The following PITPNM2 variants were observed in gnomAD, a reference collection of about 807,000 sequenced individuals.
PITPNM2 encodes the protein membrane-associated phosphatidylinositol transfer protein 2.
PITPNM2 carries 35 observed loss-of-function variants against 132.2 expected under a neutral mutation model. The ratio of observed to expected loss-of-function variants is 0.26; its 90% CI spans 0.20 to 0.35. The LOEUF (loss-of-function observed/expected upper bound fraction) is 0.35, where lower values mean the gene tolerates loss of function less well. PITPNM2 is among the 10% of genes least tolerant of loss of function. The pLI, the probability that PITPNM2 is intolerant of heterozygous loss-of-function variation, is 1.00. For synonymous variants in PITPNM2, 738 were observed against 799.2 expected, an observed-to-expected ratio of 0.92 and a Z score of 1.29; for missense variants, 1,332 against 1,912.0, an observed-to-expected ratio of 0.70 and a Z score of 5.66.
At position 123,145,333 on chromosome 12, in the gene PITPNM2, A is replaced by G. The variant is rs1227782701; in HGVS notation, c.-200+5420T>C. Among the ~76,000 whole-genome samples the G allele has an allele frequency of 2.0e-5, 3 of 152,174 alleles. No homozygotes were observed. In the East Asian group the frequency reaches 5.8e-4, roughly 29 times the overall value. ...CTGCAGGTTGGCATGTCCACACCCAATAGGGAGTTTGAGCTGTCAGCTTCT... is the reference window on the plus strand; with the variant it reads ...CTGCAGGTTGGCATGTCCACACCCAGTAGGGAGTTTGAGCTGTCAGCTTCT... On this transcript the variant is annotated intron_variant, in intron 1 of 25. Coordinates refer to ENST00000320201, the MANE Select transcript of PITPNM2 (RefSeq NM_020845.3).
Position 123,097,052 on chromosome 12 carries a change from A to AT in PITPNM2, c.-96+13332dup, listed in dbSNP as rs2042428929. On this transcript the variant is annotated intron_variant, in intron 2 of 25. Coordinates refer to ENST00000320201, the MANE Select transcript of PITPNM2 (RefSeq NM_020845.3). The surrounding 1 kb of genome is among the most constrained non-coding windows in gnomAD (Gnocchi z 4.7). ...TTATTTATTTATTTATTTTTAATTT[A>AT]TTTTTTTGGTATGGAGTCTCGCTCT... is the stretch of plus-strand genomic sequence containing the variant. 6.6e-6 allele frequency among the ~76,000 whole-genome samples: 1 copy of AT among 151,622 alleles called. No homozygotes were observed. Among genetic ancestry groups the AT allele is most frequent in the Non-Finnish European group, 1.5e-5 (1 of 67,884 alleles).
At chr12:123,042,750 G>A (rs2040536293) in intron 2 of PITPNM2, among the ~76,000 whole-genome samples, 1 of 152,174 alleles carries the variant, frequency 6.6e-6, no homozygotes, top group African/African-American at 2.4e-5. Flanking sequence ...ATCAGGAGCT[G>A]AAGCAGGCAA....
In PITPNM2 at chr12:122,996,332, G is replaced by A. The variant is rs954228833; in HGVS notation, c.1782+126C>T. On this transcript the variant is annotated intron_variant, in intron 13 of 25. Transcript: ENST00000320201. ...AGTCCAAGCCAGATGGACTCAGGAA[G>A]TGCTGCCAGCATTCTGCTTGGTGGA... 43 of 1,318,786 alleles carry A rather than the reference G, an allele frequency of 3.3e-5. No individual in the cohort carries two copies. The African/African-American group carries it at 5.6e-4, about 17-fold the overall frequency. The allele number at this position is 1,318,786 out of a possible 1,614,324, so 81.7% of individuals were successfully genotyped here. A position where few individuals can be genotyped will look rare whatever the true frequency, so the allele number is the denominator to read the frequency against.
In PITPNM2 at chr12:123,111,959, C is replaced by T. The variant is rs571119174; in HGVS notation, c.-199-1471G>A. ...GGGTTGAGGGTTTGCCATGGTAACG[C>T]ACCCATCAATGGCGAGCCAGATTTG... On this transcript the variant is annotated intron_variant, in intron 1 of 25. Coordinates refer to ENST00000320201, the MANE Select transcript of PITPNM2 (RefSeq NM_020845.3). This position sits in a 1 kb window ranked among gnomAD's most constrained non-coding sequence, Gnocchi z 4.1. 7.9e-5 allele frequency among the ~76,000 whole-genome samples: 12 copies of T among 152,234 alleles called. No individual in the cohort carries two copies. The South Asian group carries it at 1.9e-3, about 24-fold the overall frequency.
At chr12:123,065,646 G>A (rs1438628642) in intron 2 of PITPNM2, among the ~76,000 whole-genome samples, 1 of 152,236 alleles carries the variant, frequency 6.6e-6, no homozygotes, top group African/African-American at 2.4e-5. Flanking sequence ...AAGCTCAGAA[G>A]GGCTGTTCAT....
chr12:123,044,692 C>T (rs1219875563), intron 2 of PITPNM2, among the ~76,000 whole-genome samples: 2 of 152,242 alleles, frequency 1.3e-5, no homozygotes, highest in Non-Finnish European at 2.9e-5. Flanking sequence ...GAGGGCACAG[C>T]TCCTGCAGTC....
At chr12:123,059,075 G>A (rs779804691) in intron 2 of PITPNM2, among the ~76,000 whole-genome samples, 1 of 152,262 alleles carries the variant, frequency 6.6e-6, no homozygotes, top group Non-Finnish European at 1.5e-5. Flanking sequence ...GAGAGGCACA[G>A]CTGTGGGGGC....
At chr12:123,140,260 G>T (rs1227645993) in intron 1 of PITPNM2, among the ~76,000 whole-genome samples, 1 of 152,120 alleles carries the variant, frequency 6.6e-6, no homozygotes, top group Non-Finnish European at 1.5e-5. Flanking sequence ...AATCCTCTTA[G>T]CCCAGTGGCC....
rs530784192 is a variant in PITPNM2 at position 123,076,855 on chromosome 12, T to C, written c.-96+33530A>G. On this transcript the variant is annotated intron_variant, in intron 2 of 25. Coordinates refer to ENST00000320201, the MANE Select transcript of PITPNM2 (RefSeq NM_020845.3). ...AACTGGGTGCTAAATCCGGTTTCTT[T>C]GGCCCTCACTTTCCATCAACACGGG... 3.3e-5 allele frequency among the ~76,000 whole-genome samples: 5 copies of C among 152,306 alleles called. No individual in the cohort carries two copies. In the East Asian group the frequency reaches 9.7e-4, roughly 29 times the overall value.
chr12:123,089,709 AACTG>A (rs1456287109), intron 2 of PITPNM2: 60 of 152,344 alleles, frequency 3.9e-4, no homozygotes, highest in African/African-American at 1.2e-3. Context: ...CTGCTCTAAG[AACTG>A]ACTGTGTCTT....
At chr12:123,007,443 C>A (rs1348960306) in intron 6 of PITPNM2, 4 of 455,926 alleles carry the variant, frequency 8.8e-6, no homozygotes, top group Non-Finnish European at 1.8e-5. Flanking sequence ...GAGAAGCAAT[C>A]TCAGGGCATG....
intron 2 of PITPNM2, among the ~76,000 whole-genome samples, chr12:123,037,765 T>C (rs972391269): frequency 1.3e-5 from 2 of 152,170 alleles, no homozygotes; most frequent in East Asian, 3.8e-4. Flanking sequence ...TAATGTTCCT[T>C]AAATGTCTCC....
At chr12:123,085,121 G>C (rs747462932) in intron 2 of PITPNM2, among the ~76,000 whole-genome samples, 1 of 152,216 alleles carries the variant, frequency 6.6e-6, no homozygotes, top group African/African-American at 2.4e-5. Context: ...ATGCACCGTA[G>C]AGTGCTACAT....
At position 123,008,955 on chromosome 12, in the gene PITPNM2, G is replaced by A. The variant is rs2039054809; in HGVS notation, c.643+895C>T. Among the ~76,000 whole-genome samples the A allele has an allele frequency of 6.6e-6, 1 of 152,194 alleles. No homozygotes were observed. Among genetic ancestry groups the A allele is most frequent in the South Asian group, 2.1e-4 (1 of 4,832 alleles). ...TTACTGATGCTAAGAACAGGAGGAT[G>A]TTAATTCAGGACAAGGGTGGCTGGG... On this transcript the variant is annotated intron_variant, in intron 6 of 25. Transcript: ENST00000320201. This position sits in a 1 kb window ranked among gnomAD's most constrained non-coding sequence, Gnocchi z 4.1.
chr12:123,068,470 T>C (rs200745420), intron 2 of PITPNM2, among the ~76,000 whole-genome samples: 1 of 42,738 alleles, frequency 2.3e-5, no homozygotes, highest in African/African-American at 3.6e-5. Flanking sequence ...AATAAATAAA[T>C]AAATAAATAA....
intron 3 of PITPNM2, among the ~76,000 whole-genome samples, chr12:123,026,319 T>G (rs1038940864): frequency 2.0e-5 from 3 of 152,122 alleles, no homozygotes; most frequent in African/African-American, 7.2e-5. Context: ...CAAACTAAGG[T>G]ATGCTTGGAG....
intron 2 of PITPNM2, among the ~76,000 whole-genome samples, chr12:123,086,339 A>G (rs2042110649): frequency 6.6e-6 from 1 of 152,072 alleles, no homozygotes; most frequent in South Asian, 2.1e-4. Context: ...TCTTCTACAA[A>G]ATGGGGGTGA....
chr12:123,151,643 G>T (rs1354118471), upstream of PITPNM2, among the ~76,000 whole-genome samples: 1 of 152,086 alleles, frequency 6.6e-6, no homozygotes, highest in African/African-American at 2.4e-5. Context: ...CCCACCTCAG[G>T]GAGTAGCTGG....
chr12:123,083,206 AG>A lies in PITPNM2; in HGVS notation c.-96+27178del, dbSNP rs1260883194. On this transcript the variant is annotated intron_variant, in intron 2 of 25. Coordinates refer to ENST00000320201, the MANE Select transcript of PITPNM2 (RefSeq NM_020845.3). The surrounding 1 kb of genome is among the most constrained non-coding windows in gnomAD (Gnocchi z 4.5). ...CCCCATCTCTAAAAAAAAACAAAAA[AG>A]TTTTTAACTCTCTGTCTCTCCTACT... The A allele has an allele frequency of 6.6e-6, 1 of 152,180 alleles. No homozygotes were observed. The highest frequency in any genetic ancestry group is 1.5e-5 in the Non-Finnish European group (1 of 68,040). 9.4% of individuals were successfully genotyped at this position (152,180 alleles called of 1,614,324 possible). A position where few individuals can be genotyped will look rare whatever the true frequency, so the allele number is the denominator to read the frequency against.
Sources: gnomAD v4.1 joint callset for allele counts (sites outside exome capture counted in the v4.1 genomes callset) on GRCh38, gnomAD v4.1.1 for gene constraint, Gnocchi (gnomAD v3.1) non-coding constraint, MANE v1.5 for transcripts, NCBI Gene and HGNC (gene_info 2026-07-23, HGNC 2026-07-21) for gene names.